TGM2: variants seen among roughly 807,000 people sequenced by gnomAD.
The protein encoded by TGM2 is transglutaminase 2.
TGM2 carries 53 observed loss-of-function variants against 75.6 expected under a neutral mutation model. That is an observed-to-expected ratio of 0.70 (90% confidence interval 0.56 to 0.88). TGM2 has a LOEUF of 0.88. TGM2 is among the 40% of genes least tolerant of loss of function. TGM2 has a pLI of 0.00. For missense variants in TGM2, 842 were observed against 928.5 expected (o/e 0.91, Z 1.21); for synonymous variants, 374 against 381.1 (o/e 0.98, Z 0.22).
Position 38,141,397 on chromosome 20 carries a change from A to AG in TGM2, c.996-13dup, listed in dbSNP as rs1378261811. The AG allele has an allele frequency of 3.2e-6, 5 of 1,558,544 alleles. No homozygotes were observed. The highest frequency in any genetic ancestry group is 4.4e-6 in the Non-Finnish European group (5 of 1,148,366). ...AGCAGTGGAAGTTCCTGAGGGGGAT[A>AG]GGGGGGCGGGAATGAAGCAGAACAT... On this transcript the variant is annotated splice_polypyrimidine_tract_variant and intron_variant, in intron 7 of 12. Transcript: ENST00000361475.
chr20:38,133,044 A>G (rs545321819), intron 10 of TGM2: 5 of 356,782 alleles, frequency 1.4e-5, no homozygotes, highest in Non-Finnish European at 2.8e-5. Context: ...CAACTTACAG[A>G]TGAGAAAACT....
chr20:38,150,883 G>A, intron 4 of TGM2, 56 bp downstream of exon 4: 2 of 1,354,104 alleles, frequency 1.5e-6, no homozygotes, highest in Non-Finnish European at 2.1e-6. Flanking sequence ...CCAGACACAG[G>A]GCCGGGCACA....
At chr20:38,132,615 G>A in intron 10 of TGM2, 115 bp from the exon 11 acceptor site, 2 of 1,394,774 alleles carry the variant, frequency 1.4e-6, no homozygotes, top group Non-Finnish European at 2.0e-6. Context: ...ACACAGCGGG[G>A]GAATGGCTGG....
rs189710997 is a variant in TGM2, at chr20:38,148,538, C to T, written c.553-449G>A. On this transcript the variant is annotated intron_variant, in intron 4 of 12. Coordinates refer to ENST00000361475, the MANE Select transcript of TGM2 (RefSeq NM_004613.4). ...GTCCCCCTCCAACCCAGCCCACACA[C>T]GCTGCTCTGATGGGAACTGAGACAG... Among the ~76,000 whole-genome samples the T allele has an allele frequency of 3.0e-3, 453 of 152,316 alleles. 3 individuals are homozygous for T. Among genetic ancestry groups the T allele is most frequent in the African/African-American group, 0.01 (419 of 41,558 alleles).
chr20:38,132,501 C>T lies in TGM2; in HGVS notation c.1616-1G>A, dbSNP rs146160667. On this transcript the variant is annotated splice_acceptor_variant, in intron 10 of 12. Coordinates refer to ENST00000361475, the MANE Select transcript of TGM2 (RefSeq NM_004613.4). LOFTEE classifies it high-confidence loss of function. ...AGGATGCAAAGAGGAACGCTCTTCT[C>T]TGCAGAAGGGGAGAAAGGAGGGTGC... The T allele has an allele frequency of 8.1e-6, 13 of 1,614,024 alleles. No homozygotes were observed. In the African/African-American group the frequency reaches 1.5e-4, roughly 18 times the overall value.
At position 38,164,742 on chromosome 20, in the gene TGM2, C is replaced by A. The variant is rs567337657; in HGVS notation, c.10+447G>T. 3.3e-5 allele frequency among the ~76,000 whole-genome samples: 5 copies of A among 152,286 alleles called. No individual in the cohort carries two copies. In the East Asian group the frequency reaches 9.6e-4, roughly 29 times the overall value. ...AGGATGCCGAAAGCTCCTCTCTGGC[C>A]GCTGGAGCCAAGGACTCAGCCAGGC... is the stretch of plus-strand genomic sequence containing the variant. On this transcript the variant is annotated intron_variant, in intron 1 of 12. Coordinates refer to ENST00000361475, the MANE Select transcript of TGM2 (RefSeq NM_004613.4).
Position 38,146,740 on chromosome 20 carries a change from A to G in TGM2, c.836T>C (p.Val279Ala). The change falls in exon 6 of 13, where the codon GTC becomes GCC. Residue 279 changes from valine to alanine, a missense_variant. Coordinates refer to ENST00000361475, the MANE Select transcript of TGM2 (RefSeq NM_004613.4). ...CQRVKYGQCW[V>A]FAAVACTVLR... is the part of the protein sequence containing the mutation. Reference sequence around the variant, plus strand: ...ACCTGTGCAGGCCACGGCGGCGAAGACCCAGCACTGGCCATACTTGACGCG... The same window carrying G: ...ACCTGTGCAGGCCACGGCGGCGAAGGCCCAGCACTGGCCATACTTGACGCG... 2 of 1,613,358 alleles carry G rather than the reference A, an allele frequency of 1.2e-6. No homozygotes were observed. The highest frequency in any genetic ancestry group is 1.7e-6 in the Non-Finnish European group (2 of 1,179,634).
rs45614639 is a variant in TGM2 at position 38,157,570 on chromosome 20, G to A, written c.191-1481C>T. On this transcript the variant is annotated intron_variant, in intron 2 of 12. Coordinates refer to ENST00000361475, the MANE Select transcript of TGM2 (RefSeq NM_004613.4). ...GTTCGAAACTGGCTCTCTGAACTTCGACAAGTTACTTAGCTTCTCTATGCC... is the reference window on the plus strand; with the variant it reads ...GTTCGAAACTGGCTCTCTGAACTTCAACAAGTTACTTAGCTTCTCTATGCC... Among the ~76,000 whole-genome samples the A allele has an allele frequency of 2.8e-3, 433 of 152,350 alleles. 3 individuals carry two copies. The highest frequency in any genetic ancestry group is 9.9e-3 in the African/African-American group (410 of 41,580).
At chr20:38,156,816 C>G (rs1703823499) in intron 2 of TGM2, among the ~76,000 whole-genome samples, 2 of 152,232 alleles carry the variant, frequency 1.3e-5, no homozygotes, top group Admixed American at 1.3e-4. Flanking sequence ...AGGCTCAGAG[C>G]AAAGCGGTCT....
intron 9 of TGM2, among the ~76,000 whole-genome samples, chr20:38,138,830 C>T (rs1269224465): frequency 1.3e-5 from 2 of 152,228 alleles, no homozygotes. Flanking sequence ...TGATTGCTCC[C>T]TTCCTTATAT....
At chr20:38,147,616 G>T (rs2075061255) in intron 5 of TGM2, among the ~76,000 whole-genome samples, 1 of 152,068 alleles carries the variant, frequency 6.6e-6, no homozygotes, top group Admixed American at 6.6e-5. Flanking sequence ...ATGGTAGTTT[G>T]GTTAGTGTCT....
At chr20:38,151,432 G>C (rs1389906283) in intron 3 of TGM2, among the ~76,000 whole-genome samples, 2 of 152,162 alleles carry the variant, frequency 1.3e-5, no homozygotes, top group African/African-American at 4.8e-5. Context: ...TGAGACTAAG[G>C]ACACAGGAGC....
At position 38,130,201 on chromosome 20, in the gene TGM2, G is replaced by A; in HGVS notation, c.*18C>T. 1 of 1,613,060 alleles carries A rather than the reference G, an allele frequency of 6.2e-7. No individual in the cohort carries two copies. The highest frequency in any genetic ancestry group is 8.5e-7 in the Non-Finnish European group (1 of 1,179,828). Reference sequence around the variant, plus strand: ...GGATCAAGGTGGGGGCTCTCAGCAGGCTGGGAGCAGGGGTCCCTTAGGCGG... The same window carrying A: ...GGATCAAGGTGGGGGCTCTCAGCAGACTGGGAGCAGGGGTCCCTTAGGCGG... On this transcript the variant is annotated 3_prime_UTR_variant, in exon 13 of 13. Coordinates refer to ENST00000361475, the MANE Select transcript of TGM2 (RefSeq NM_004613.4).
chr20:38,142,337 C>A, intron 6 of TGM2, 138 bp from the exon 7 acceptor site: 2 of 1,387,282 alleles, frequency 1.4e-6, no homozygotes, highest in South Asian at 1.4e-5. Flanking sequence ...CCCTTCCTGC[C>A]GGGACAATGG....
rs2075052737 is a variant in TGM2, at chr20:38,146,864, G to C, written c.712C>G (p.Leu238Val). Residue 238 changes from leucine to valine, a missense_variant, in exon 6 of 13, where the codon CTG (leucine) becomes GTG (valine). Leu to Val is a conservative substitution (Grantham distance 32). Coordinates refer to ENST00000361475, the MANE Select transcript of TGM2 (RefSeq NM_004613.4). ...CCGTAGTTGTTGTCCCAGCGTCCCA[G>C]CAGCACACCCTGGTCATCGTTGCAG... ...VNCNDDQGVL[L>V]GRWDNNYGDG... 6.2e-7 allele frequency: 1 copy of C among 1,613,758 alleles called. No individual in the cohort carries two copies. Among genetic ancestry groups the C allele is most frequent in the African/African-American group, 1.3e-5 (1 of 74,942 alleles).
chr20:38,142,265 C>T (rs1049890911), intron 6 of TGM2, 66 bp from the exon 7 acceptor site: 4 of 1,604,620 alleles, frequency 2.5e-6, no homozygotes, highest in Non-Finnish European at 3.4e-6. Context: ...GGGCCTCCAC[C>T]TGCCCATCTG....
chr20:38,146,879 C>G lies in TGM2; in HGVS notation c.697G>C (p.Asp233His). The G allele has an allele frequency of 6.2e-7, 1 of 1,613,372 alleles. No homozygotes were observed. Among genetic ancestry groups the G allele is most frequent in the Non-Finnish European group, 8.5e-7 (1 of 1,180,020 alleles). Residue 233 changes from aspartate (D) to histidine (H), a missense_variant, in exon 6 of 13, where the codon GAC becomes CAC. Transcript: ENST00000361475. The stretch of plus-strand genomic sequence containing the variant: ...CAGCGTCCCAGCAGCACACCCTGGT[C>G]ATCGTTGCAGTTGACCTGCAACCAG... ...VVSGMVNCND[D>H]QGVLLGRWDN...
intron 6 of TGM2, 21 bp from the exon 7 acceptor site, chr20:38,142,220 G>T (rs1352818329): frequency 1.9e-6 from 3 of 1,614,010 alleles, no homozygotes; most frequent in Non-Finnish European, 2.5e-6. Context: ...GGAGTGGAAA[G>T]CGGGGTGAGG....
In TGM2 at chr20:38,135,667, A is replaced by G. The variant is rs2074891792; in HGVS notation, c.1615+2446T>C. Reference sequence around the variant, plus strand: ...ACTCTCGGGGCCTGGATGAGCAGCGAGGGCCGGGTCCTTTCTACACCACCG... The same window carrying G: ...ACTCTCGGGGCCTGGATGAGCAGCGGGGGCCGGGTCCTTTCTACACCACCG... On this transcript the variant is annotated intron_variant, in intron 10 of 12. Coordinates refer to ENST00000361475, the MANE Select transcript of TGM2 (RefSeq NM_004613.4). Among the ~76,000 whole-genome samples, 3 of 151,994 alleles carry G rather than the reference A, an allele frequency of 2.0e-5. No homozygotes were observed. The South Asian group carries it at 6.2e-4, about 32-fold the overall frequency.
Sources: allele counts gnomAD v4.1 joint callset (sites outside exome capture counted in the v4.1 genomes callset), GRCh38; gene constraint gnomAD v4.1.1; transcripts MANE v1.5; gene names NCBI Gene and HGNC (gene_info 2026-07-23, HGNC 2026-07-21).